Variants in SNX9 observed in about 807,000 individuals in gnomAD.
SNX9 encodes the protein sorting nexin-9.
A neutral mutation model predicts 89.4 loss-of-function variants in SNX9; 44 were observed. The ratio of observed to expected loss-of-function variants is 0.49; its 90% CI spans 0.39 to 0.63. The LOEUF is 0.63. SNX9 is among the 30% of genes least tolerant of loss of function. The probability of loss-of-function intolerance (pLI) is 0.00; values close to 1 mark genes in which losing one functional copy is unlikely to be tolerated. For missense variants in SNX9, 578 were observed against 736.1 expected, an observed-to-expected ratio of 0.79 and a Z score of 2.49; for synonymous variants, 236 against 247.8, an observed-to-expected ratio of 0.95 and a Z score of 0.45.
intron 1 of SNX9, among the ~76,000 whole-genome samples, chr6:157,834,926 G>A (rs566337536): frequency 5.3e-5 from 8 of 152,196 alleles, no homozygotes; most frequent in African/African-American, 9.6e-5. Flanking sequence ...ATCAATACCC[G>A]TTAGGTTACT....
chr6:157,831,672 G>A (rs936214404), intron 1 of SNX9, among the ~76,000 whole-genome samples: 1 of 152,212 alleles, frequency 6.6e-6, no homozygotes, highest in African/African-American at 2.4e-5. Context: ...TTCTCCCAGG[G>A]TTTCTGCTTT....
In SNX9 at chr6:157,827,176, CAT is replaced by C. The variant is rs1491327643; in HGVS notation, c.12+3735_12+3736del. 2.9e-4 allele frequency among the ~76,000 whole-genome samples: 7 copies of C among 24,294 alleles called. No homozygotes were observed. The East Asian group carries it at 4.4e-3, about 15-fold the overall frequency. The allele number at this position is 24,294 out of a possible 152,430, so 15.9% of individuals were successfully genotyped here. On this transcript the variant is annotated intron_variant, in intron 1 of 17. Transcript: ENST00000392185. ...TATTATAGTTTATATAATATATAAACATATATTATAGTTTATATAATATATAA... is the reference window on the plus strand; with the variant it reads ...TATTATAGTTTATATAATATATAAACATATTATAGTTTATATAATATATAA...
intron 1 of SNX9, among the ~76,000 whole-genome samples, chr6:157,840,325 C>CG (rs1193341411): frequency 6.6e-6 from 1 of 152,178 alleles, no homozygotes; most frequent in Non-Finnish European, 1.5e-5. Flanking sequence ...CAGGCGACCA[C>CG]GGGGGCTTTG....
chr6:157,839,900 A>C (rs760943149), intron 1 of SNX9, among the ~76,000 whole-genome samples: 23 of 152,340 alleles, frequency 1.5e-4, no homozygotes, highest in Non-Finnish European at 3.2e-4. Context: ...ATCTCTGCAA[A>C]GCTCAGACCT....
intron 10 of SNX9, among the ~76,000 whole-genome samples, chr6:157,922,102 C>G (rs1339477670): frequency 6.6e-6 from 1 of 152,192 alleles, no homozygotes; most frequent in African/African-American, 2.4e-5. Flanking sequence ...TTCTCAGAGC[C>G]AGGCCATTTT....
Position 157,939,367 on chromosome 6 carries a change from G to T in SNX9, c.1648+620G>T, listed in dbSNP as rs572714798. Among the ~76,000 whole-genome samples, 15 of 152,266 alleles carry T rather than the reference G, an allele frequency of 9.9e-5. No individual in the cohort carries two copies. In the East Asian group the frequency reaches 1.7e-3, roughly 18 times the overall value. On this transcript the variant is annotated intron_variant, in intron 16 of 17. Coordinates refer to ENST00000392185, the MANE Select transcript of SNX9 (RefSeq NM_016224.5). ...GGTTATTGGGAAATAAATTTTGATT[G>T]TGAAGGAACTTGAAAGCTCTAGACT...
chr6:157,869,921 C>T (rs993518547), intron 2 of SNX9, among the ~76,000 whole-genome samples: 1 of 152,094 alleles, frequency 6.6e-6, no homozygotes, highest in Admixed American at 6.5e-5. Context: ...CACCCTCATA[C>T]ACCTCTCATG....
At chr6:157,826,899 G>T (rs1257526485) in intron 1 of SNX9, among the ~76,000 whole-genome samples, 9 of 83,454 alleles carry the variant, frequency 1.1e-4, no homozygotes, top group Non-Finnish European at 1.2e-4. Flanking sequence ...ATATATTATA[G>T]TTTATATAAT....
intron 4 of SNX9, chr6:157,892,744 A>G (rs1782889520): frequency 6.6e-6 from 1 of 152,200 alleles, no homozygotes; most frequent in Non-Finnish European, 1.5e-5. Context: ...CAGTTTGCTA[A>G]GACTGAACTG....
intron 16 of SNX9, among the ~76,000 whole-genome samples, chr6:157,940,443 A>T (rs1784014559): frequency 6.6e-6 from 1 of 152,228 alleles, no homozygotes; most frequent in Admixed American, 6.5e-5. Context: ...TGTTTGAGAC[A>T]GTCTCGCTCT....
chr6:157,910,617 T>G (rs1274276524), intron 9 of SNX9, among the ~76,000 whole-genome samples: 1 of 152,198 alleles, frequency 6.6e-6, no homozygotes, highest in African/African-American at 2.4e-5. Context: ...TCTTGTTTTT[T>G]AAGTGCCACA....
chr6:157,859,194 A>G (rs1290205819), intron 1 of SNX9, among the ~76,000 whole-genome samples: 2 of 152,380 alleles, frequency 1.3e-5, no homozygotes, highest in Non-Finnish European at 2.9e-5. Flanking sequence ...GAAAAGAAAT[A>G]TAATGAGAAA....
At chr6:157,879,716 A>G (rs886415635) in intron 4 of SNX9, among the ~76,000 whole-genome samples, 2 of 151,976 alleles carry the variant, frequency 1.3e-5, no homozygotes, top group South Asian at 2.1e-4. Context: ...AAAAATCTCT[A>G]CTCCTGTGTG....
At chr6:157,838,507 G>A (rs1781630287) in intron 1 of SNX9, among the ~76,000 whole-genome samples, 1 of 152,068 alleles carries the variant, frequency 6.6e-6, no homozygotes, top group South Asian at 2.1e-4. Flanking sequence ...CTCAGTATTT[G>A]GAGTCAGAAA....
chr6:157,865,351 A>C (rs138997881), intron 1 of SNX9, among the ~76,000 whole-genome samples: 88 of 151,974 alleles, frequency 5.8e-4, no homozygotes, highest in African/African-American at 2.1e-3. Context: ...AAAAAAAAAA[A>C]AAAAAAAACA....
chr6:157,939,995 A>C (rs901962659), intron 16 of SNX9, among the ~76,000 whole-genome samples: 13 of 152,144 alleles, frequency 8.5e-5, no homozygotes, highest in Non-Finnish European at 1.8e-4. Flanking sequence ...GAAGGAATCC[A>C]TGTATTCAGC....
intron 1 of SNX9, among the ~76,000 whole-genome samples, chr6:157,840,330 G>A (rs1355730128): frequency 6.6e-6 from 1 of 152,222 alleles, no homozygotes; most frequent in Non-Finnish European, 1.5e-5. Flanking sequence ...GACCACGGGG[G>A]CTTTGACATT....
chr6:157,882,276 G>A (rs1489328703), intron 4 of SNX9, among the ~76,000 whole-genome samples: 6 of 152,126 alleles, frequency 3.9e-5, no homozygotes, highest in Admixed American at 1.3e-4. Context: ...CAAGCCCACT[G>A]TTGAGACCAA....
chr6:157,908,667 A>G (rs563875980), intron 7 of SNX9, among the ~76,000 whole-genome samples: 8 of 152,266 alleles, frequency 5.3e-5, no homozygotes, highest in African/African-American at 1.9e-4. Flanking sequence ...TTTAAATAAG[A>G]TGAAAAAACC....
Sources: allele counts gnomAD v4.1 joint callset (sites outside exome capture counted in the v4.1 genomes callset), GRCh38; gene constraint gnomAD v4.1.1; transcripts MANE v1.5; gene names NCBI Gene and HGNC (gene_info 2026-07-23, HGNC 2026-07-21).